Variants in ORC3 observed in about 807,000 individuals in gnomAD.
ORC3 encodes origin recognition complex subunit 3, also known as homolog of latheo, Drosophila.
In ORC3, 78 loss-of-function variants were observed where a neutral mutation model predicts 100.7. That is an observed-to-expected ratio of 0.77 (90% CI 0.65 to 0.94). The LOEUF (loss-of-function observed/expected upper bound fraction) is 0.94. Among genes scored for constraint, ORC3 ranks in the 40% least tolerant of loss-of-function variants. ORC3 has a pLI of 0.00. For missense variants in ORC3, 789 were observed against 823.9 expected (o/e 0.96, Z 0.52); for synonymous variants, 295 against 289.3 (o/e 1.02, Z -0.20).
Position 87,613,169 on chromosome 6 carries a change from T to A in ORC3, c.873+921T>A, listed in dbSNP as rs1455248744. On this transcript the variant is annotated intron_variant, in intron 8 of 19. Transcript: ENST00000392844. ...AGGTTTAATGGACTCATAGTTCCACTTGGCTGGGGAGGCCTCACAATCATG... is the reference window on the plus strand; with the variant it reads ...AGGTTTAATGGACTCATAGTTCCACATGGCTGGGGAGGCCTCACAATCATG... Among the ~76,000 whole-genome samples the A allele has an allele frequency of 2.0e-5, 3 of 152,176 alleles. No homozygotes were observed. In the East Asian group the frequency reaches 5.8e-4, roughly 29 times the overall value.
chr6:87,624,449 G>A (rs544725763), intron 11 of ORC3, among the ~76,000 whole-genome samples: 4 of 152,088 alleles, frequency 2.6e-5, no homozygotes, highest in South Asian at 2.1e-4. Context: ...ATGCCCTAGC[G>A]TCGGCAACAG....
chr6:87,654,978 T>C (rs1562377950), intron 14 of ORC3, among the ~76,000 whole-genome samples: 3 of 152,190 alleles, frequency 2.0e-5, no homozygotes. Flanking sequence ...TTTTACAAAT[T>C]AAAGCACAAC....
chr6:87,655,105 A>G (rs1204563592), intron 14 of ORC3, among the ~76,000 whole-genome samples: 2 of 152,192 alleles, frequency 1.3e-5, no homozygotes, highest in African/African-American at 2.4e-5. Flanking sequence ...GCTATATGCT[A>G]TCTGTGTTCC....
intron 17 of ORC3, 23 bp from the exon 18 acceptor site, chr6:87,664,720 C>G (rs781351484): frequency 6.4e-7 from 1 of 1,569,744 alleles, no homozygotes; most frequent in Non-Finnish European, 8.8e-7. Flanking sequence ...AGTTAGTCAT[C>G]TTAGTTTACT....
intron 13 of ORC3, among the ~76,000 whole-genome samples, chr6:87,645,304 C>A (rs1008382631): frequency 2.0e-5 from 3 of 152,068 alleles, no homozygotes; most frequent in African/African-American, 7.2e-5. Context: ...GGACAGTTAA[C>A]CTCCATTTGT....
chr6:87,594,149 AG>A (rs2128242655), intron 1 of ORC3, among the ~76,000 whole-genome samples: 1 of 152,318 alleles, frequency 6.6e-6, no homozygotes, highest in African/African-American at 2.4e-5. Flanking sequence ...GAGGGGAGAG[AG>A]TAGATAGTCC....
chr6:87,602,203 G>A (rs1171437387), intron 3 of ORC3, among the ~76,000 whole-genome samples: 2 of 152,154 alleles, frequency 1.3e-5, no homozygotes, highest in African/African-American at 4.8e-5. Context: ...CGGCACTCCA[G>A]CCTGGGCAGC....
chr6:87,591,950 C>T (rs975542477), intron 1 of ORC3, among the ~76,000 whole-genome samples: 1 of 152,128 alleles, frequency 6.6e-6, no homozygotes, highest in African/African-American at 2.4e-5. Flanking sequence ...AGGCGGGTCT[C>T]GAACTCCTGA....
intron 14 of ORC3, among the ~76,000 whole-genome samples, chr6:87,655,122 T>G (rs1453782526): frequency 6.6e-6 from 1 of 152,220 alleles, no homozygotes; most frequent in Non-Finnish European, 1.5e-5. Flanking sequence ...TTCCTTAACA[T>G]TTATTACATA....
chr6:87,629,331 CTTTAT>C (rs942599931), intron 11 of ORC3, among the ~76,000 whole-genome samples: 9 of 152,262 alleles, frequency 5.9e-5, no homozygotes, highest in Non-Finnish European at 1.3e-4. Flanking sequence ...TTTTTACATA[CTTTAT>C]TTTATAATCT....
At chr6:87,591,801 G>A (rs949527698) in intron 1 of ORC3, among the ~76,000 whole-genome samples, 2 of 151,694 alleles carry the variant, frequency 1.3e-5, no homozygotes, top group Non-Finnish European at 2.9e-5. Flanking sequence ...GCGCGATCTC[G>A]GCTCACTGCA....
chr6:87,612,008 G>A, intron 7 of ORC3, 81 bp from the exon 8 acceptor site: 1 of 1,310,094 alleles, frequency 7.6e-7, no homozygotes, highest in East Asian at 2.3e-5. Context: ...TTAAAATAAA[G>A]TTTGTCTTAT....
At chr6:87,656,172 C>T (rs1321352828) in intron 14 of ORC3, among the ~76,000 whole-genome samples, 1 of 152,212 alleles carries the variant, frequency 6.6e-6, no homozygotes, top group Non-Finnish European at 1.5e-5. Flanking sequence ...TGGATTATTT[C>T]AAAACTTTTA....
intron 13 of ORC3, among the ~76,000 whole-genome samples, chr6:87,644,062 A>ACAGAT (rs1414038868): frequency 6.9e-6 from 1 of 145,456 alleles, no homozygotes; most frequent in East Asian, 2.0e-4. Context: ...ACCCACAGAT[A>ACAGAT]CAGATGGCTG....
intron 1 of ORC3, among the ~76,000 whole-genome samples, chr6:87,592,328 A>G (rs906122150): frequency 4.6e-5 from 7 of 152,222 alleles, no homozygotes; most frequent in Admixed American, 3.9e-4. Flanking sequence ...CTAGTTGCAG[A>G]TATAAGAATA....
intron 19 of ORC3, 121 bp from the exon 20 acceptor site, chr6:87,666,892 GTTTAA>G (rs1562390746): frequency 3.4e-6 from 2 of 580,176 alleles, no homozygotes; most frequent in East Asian, 5.8e-5. Flanking sequence ...AACAGTTATA[GTTTAA>G]TTTAGGAGTT....
chr6:87,658,945 T>C (rs1769941292), intron 16 of ORC3, among the ~76,000 whole-genome samples: 1 of 143,292 alleles, frequency 7.0e-6, no homozygotes, highest in Admixed American at 7.2e-5. Context: ...CCACCTAAGT[T>C]TGGTGGAAGT....
intron 15 of ORC3, among the ~76,000 whole-genome samples, chr6:87,657,334 A>G (rs2128292545): frequency 6.6e-6 from 1 of 152,364 alleles, no homozygotes; most frequent in East Asian, 1.9e-4. Context: ...GAGATTTAAA[A>G]GAGCCTAACT....
chr6:87,662,993 G>T lies in ORC3; in HGVS notation c.1692-10G>T. 6.3e-7 allele frequency: 1 copy of T among 1,585,928 alleles called. No individual in the cohort carries two copies. Among genetic ancestry groups the T allele is most frequent in the Non-Finnish European group, 8.6e-7 (1 of 1,162,062 alleles). ...TTATCTAAACATGGATGCCTGACTG[G>T]CTGTTTCAGAGAATACCTTCTGCCT... On this transcript the variant is annotated splice_polypyrimidine_tract_variant and intron_variant, in intron 16 of 19. Transcript: ENST00000392844.
Sources: allele counts gnomAD v4.1 joint callset (sites outside exome capture counted in the v4.1 genomes callset), GRCh38; gene constraint gnomAD v4.1.1; transcripts MANE v1.5; gene names NCBI Gene and HGNC (gene_info 2026-07-23, HGNC 2026-07-21).